Variants in ESCO1 observed in about 807,000 individuals in gnomAD.
The protein encoded by ESCO1 is N-acetyltransferase ESCO1.
In ESCO1, 33 loss-of-function variants were observed where a neutral mutation model predicts 83.5. The observed-to-expected ratio is 0.40, with a 90% CI of 0.30 to 0.53. The LOEUF (loss-of-function observed/expected upper bound fraction) is 0.53. ESCO1 is among the 20% of genes least tolerant of loss of function. The probability of loss-of-function intolerance (pLI) is 0.63; values close to 1 mark genes in which losing one functional copy is unlikely to be tolerated. For synonymous variants in ESCO1, 332 were observed against 324.3 expected (o/e 1.02, Z -0.25); for missense variants, 855 against 968.0 (o/e 0.88, Z 1.55).
intron 2 of ESCO1, among the ~76,000 whole-genome samples, chr18:21,577,221 G>A (rs2038430258): frequency 6.6e-6 from 1 of 151,470 alleles, no homozygotes; most frequent in Non-Finnish European, 1.5e-5. Flanking sequence ...GCTGGGCATG[G>A]TGGTGCATGC....
chr18:21,577,011 C>T (rs1242148102), intron 2 of ESCO1, among the ~76,000 whole-genome samples: 1 of 149,860 alleles, frequency 6.7e-6, no homozygotes, highest in Non-Finnish European at 1.5e-5. Flanking sequence ...CCAGCCTAGG[C>T]GACAGAGCGA....
chr18:21,569,705 T>C (rs140202238), intron 4 of ESCO1, among the ~76,000 whole-genome samples: 185 of 152,144 alleles, frequency 1.2e-3, no homozygotes, highest in African/African-American at 4.1e-3. Context: ...GATCATGCCA[T>C]TGCACTTAGC....
At chr18:21,553,862 CAA>C (rs1261790821) in intron 8 of ESCO1, among the ~76,000 whole-genome samples, 5 of 86,356 alleles carry the variant, frequency 5.8e-5, no homozygotes, top group South Asian at 3.8e-4. Flanking sequence ...GAAACTCTGT[CAA>C]AAAAAAAAAA....
At chr18:21,597,741 C>CCT (rs1337977723) in intron 1 of ESCO1, among the ~76,000 whole-genome samples, 1 of 151,952 alleles carries the variant, frequency 6.6e-6, no homozygotes, top group Non-Finnish European at 1.5e-5. Flanking sequence ...TTTAATTTAC[C>CCT]CTCTGAGTTT....
rs1207446428 is a variant in ESCO1 at position 21,575,185 on chromosome 18, T to C, written c.-342A>G. 2.6e-6 allele frequency: 1 copy of C among 379,696 alleles called. No homozygotes were observed. Among genetic ancestry groups the C allele is most frequent in the Non-Finnish European group, 4.6e-6 (1 of 215,624 alleles). 23.5% of individuals were successfully genotyped at this position (379,696 alleles called of 1,614,324 possible). A position where few individuals can be genotyped will look rare whatever the true frequency, so the allele number is the denominator to read the frequency against. On this transcript the variant is annotated 5_prime_UTR_variant, in exon 4 of 12. Coordinates refer to ENST00000269214, the MANE Select transcript of ESCO1 (RefSeq NM_052911.3). Reference sequence around the variant, plus strand: ...TCTGTTTTGTTAATTTTTTAATTAATTTTGGTTTCAGGCCTAGCTCTATTA... The same window carrying C: ...TCTGTTTTGTTAATTTTTTAATTAACTTTGGTTTCAGGCCTAGCTCTATTA...
At chr18:21,591,194 A>G (rs1187549276) in intron 1 of ESCO1, among the ~76,000 whole-genome samples, 1 of 152,224 alleles carries the variant, frequency 6.6e-6, no homozygotes, top group Admixed American at 6.5e-5. Flanking sequence ...TATCCTTGTA[A>G]GAGAGTGGCA....
chr18:21,574,256 T>G lies in ESCO1; in HGVS notation c.588A>C (p.Glu196Asp). 1 of 1,613,866 alleles carries G rather than the reference T, an allele frequency of 6.2e-7. No individual in the cohort carries two copies. Among genetic ancestry groups the G allele is most frequent in the South Asian group, 1.1e-5 (1 of 91,070 alleles). ...SKEDENLVIN[E>D]VINSPKGKKR... Reference sequence around the variant, plus strand: ...TTTTCCCTTTGGGAGAATTTATTACTTCATTAATTACTAGATTTTCATCTT... The same window carrying G: ...TTTTCCCTTTGGGAGAATTTATTACGTCATTAATTACTAGATTTTCATCTT... The change falls in exon 4 of 12, where the codon GAA becomes GAC. Residue 196 changes from glutamate to aspartate, a missense_variant. Transcript: ENST00000269214.
intron 8 of ESCO1, among the ~76,000 whole-genome samples, chr18:21,549,042 C>A (rs185690090): frequency 1.3e-5 from 2 of 152,162 alleles, no homozygotes; most frequent in Admixed American, 6.5e-5. Context: ...TAACCATTAG[C>A]TCCAGTATTT....
chr18:21,576,757 G>A (rs986653126), intron 2 of ESCO1, among the ~76,000 whole-genome samples: 4 of 152,088 alleles, frequency 2.6e-5, no homozygotes, highest in East Asian at 1.9e-4. Flanking sequence ...TCAAAAGGCC[G>A]GGTGCGGTGG....
chr18:21,537,362 A>C (rs2037849998), intron 9 of ESCO1, among the ~76,000 whole-genome samples: 1 of 152,084 alleles, frequency 6.6e-6, no homozygotes, highest in Non-Finnish European at 1.5e-5. Context: ...ACACAGCAGA[A>C]CCCATCTTTA....
At chr18:21,594,461 C>T (rs1472312220) in intron 1 of ESCO1, among the ~76,000 whole-genome samples, 1 of 152,158 alleles carries the variant, frequency 6.6e-6, no homozygotes, top group African/African-American at 2.4e-5. Context: ...GTATTTCTCA[C>T]ATTCTAAAAT....
intron 8 of ESCO1, among the ~76,000 whole-genome samples, chr18:21,544,452 C>CAA (rs1052888092): frequency 3.1e-5 from 4 of 130,886 alleles, no homozygotes; most frequent in African/African-American, 8.7e-5. Flanking sequence ...ACTAAAAATA[C>CAA]AAAAAAAAAA....
intron 1 of ESCO1, among the ~76,000 whole-genome samples, chr18:21,585,154 A>C (rs916598121): frequency 1.3e-5 from 2 of 152,062 alleles, no homozygotes; most frequent in East Asian, 3.9e-4. Context: ...AAAAAAAAAA[A>C]AAAACTTACA....
chr18:21,592,807 G>A (rs550392829), intron 1 of ESCO1, among the ~76,000 whole-genome samples: 2,063 of 145,428 alleles, frequency 0.014, 63 homozygotes, highest in African/African-American at 0.051. Context: ...GGCGGCTGCC[G>A]GGCGGAGGGG....
At chr18:21,577,643 G>T (rs1357349847) in intron 2 of ESCO1, among the ~76,000 whole-genome samples, 1 of 143,688 alleles carries the variant, frequency 7.0e-6, no homozygotes, top group Non-Finnish European at 1.5e-5. Flanking sequence ...CTGGCCGACA[G>T]AGCGAGACTC....
chr18:21,594,703 C>A (rs1324261533), intron 1 of ESCO1, among the ~76,000 whole-genome samples: 39 of 146,612 alleles, frequency 2.7e-4, no homozygotes, highest in South Asian at 4.3e-4. Flanking sequence ...GACTCCATCT[C>A]AAAAAAAAAA....
At chr18:21,565,175 AG>A (rs2038242755) in intron 6 of ESCO1, among the ~76,000 whole-genome samples, 1 of 152,214 alleles carries the variant, frequency 6.6e-6, no homozygotes, top group Non-Finnish European at 1.5e-5. Flanking sequence ...ACTAATTTTC[AG>A]TAAAAAAAAG....
intron 1 of ESCO1, among the ~76,000 whole-genome samples, chr18:21,585,922 T>C (rs1465593236): frequency 6.6e-6 from 1 of 152,182 alleles, no homozygotes; most frequent in African/African-American, 2.4e-5. Context: ...TGATACATAA[T>C]GATTACACAT....
At chr18:21,591,422 C>G (rs2038666261) in intron 1 of ESCO1, among the ~76,000 whole-genome samples, 1 of 152,200 alleles carries the variant, frequency 6.6e-6, no homozygotes, top group African/African-American at 2.4e-5. Flanking sequence ...AAACTGGTCT[C>G]TCCTAAGCAG....
Sources: gnomAD v4.1 joint callset for allele counts (sites outside exome capture counted in the v4.1 genomes callset) on GRCh38, gnomAD v4.1.1 for gene constraint, MANE v1.5 for transcripts, NCBI Gene and HGNC (gene_info 2026-07-23, HGNC 2026-07-21) for gene names.